CCDC30: variants seen among roughly 807,000 people sequenced by gnomAD.
The protein encoded by CCDC30 is coiled-coil domain-containing protein 30.
A neutral mutation model predicts 100.2 loss-of-function variants in CCDC30; 70 were observed. The observed-to-expected ratio is 0.70, with a 90% CI of 0.58 to 0.85. The LOEUF (loss-of-function observed/expected upper bound fraction) is 0.85. Ranked by LOEUF, CCDC30 falls within the 40% of genes least tolerant of loss-of-function variation. CCDC30 has a pLI of 0.00. For missense variants in CCDC30, 652 were observed against 771.2 expected (o/e 0.85, Z 1.83); for synonymous variants, 233 against 269.5 (o/e 0.86, Z 1.33).
At chr1:42,466,160 C>T (rs1485949798) in intron 1 of CCDC30, among the ~76,000 whole-genome samples, 1 of 152,164 alleles carries the variant, frequency 6.6e-6, no homozygotes, top group African/African-American at 2.4e-5. Context: ...AGTGAAAAGT[C>T]ACCTGACAGC....
intron 10 of CCDC30, chr1:42,592,659 A>C (rs1035000061): frequency 1.3e-5 from 2 of 152,280 alleles, no homozygotes; most frequent in Non-Finnish European, 2.9e-5. Context: ...ATTTGCAGTG[A>C]GCTGAGATCA....
At chr1:42,615,599 G>A (rs61775577) in intron 11 of CCDC30, among the ~76,000 whole-genome samples, 28,818 of 151,922 alleles carry the variant, frequency 0.19, 3,487 homozygotes, top group Non-Finnish European at 0.25. Context: ...CACCGCGCCC[G>A]GCCAAGCAAT....
intron 6 of CCDC30, among the ~76,000 whole-genome samples, chr1:42,560,757 A>G (rs897807974): frequency 2.0e-5 from 3 of 152,188 alleles, no homozygotes; most frequent in African/African-American, 7.2e-5. Flanking sequence ...TAGACACAAT[A>G]AAAATGACAA....
intron 12 of CCDC30, among the ~76,000 whole-genome samples, chr1:42,642,129 G>T (rs1647488101): frequency 6.6e-6 from 1 of 151,992 alleles, no homozygotes; most frequent in Admixed American, 6.6e-5. Flanking sequence ...GGGAGGCTGA[G>T]GCAGGAGAAT....
chr1:42,517,756 T>C (rs565960936), intron 6 of CCDC30, among the ~76,000 whole-genome samples: 99 of 152,328 alleles, frequency 6.5e-4, no homozygotes, highest in Non-Finnish European at 1.2e-3. Context: ...TACCAAACAT[T>C]TAAATATCAA....
intron 11 of CCDC30, among the ~76,000 whole-genome samples, chr1:42,623,025 G>A (rs1486697403): frequency 6.6e-6 from 1 of 152,066 alleles, no homozygotes; most frequent in Non-Finnish European, 1.5e-5. Flanking sequence ...CCATTTGTAT[G>A]TTTTCTTTTC....
intron 7 of CCDC30, 57 bp downstream of exon 11, chr1:42,566,532 C>T (rs761154102): frequency 1.2e-4 from 165 of 1,400,382 alleles, no homozygotes; most frequent in East Asian, 5.3e-4. Flanking sequence ...TGGGAATAAA[C>T]GAATCTAAGT....
intron 5 of CCDC30, 42 bp downstream of exon 5, chr1:42,497,255 A>G: frequency 8.9e-7 from 1 of 1,118,170 alleles, no homozygotes; most frequent in Non-Finnish European, 1.1e-6. Context: ...AAATGTGTCT[A>G]CCATAACAAT....
At chr1:42,574,812 T>C (rs1278930782) in intron 7 of CCDC30, among the ~76,000 whole-genome samples, 2 of 152,198 alleles carry the variant, frequency 1.3e-5, no homozygotes, top group African/African-American at 2.4e-5. Context: ...AAATGTAAAG[T>C]AGTAATATTA....
At chr1:42,529,083 T>TGTAATTTTGTAATTACAATATTGAC (rs1480471630) in intron 6 of CCDC30, among the ~76,000 whole-genome samples, 20 of 152,340 alleles carry the variant, frequency 1.3e-4, no homozygotes, top group African/African-American at 4.6e-4. Context: ...TAATAATCCT[T>TGTAATTTTGTAATTACAATATTGAC]TCACTTACAT....
At chr1:42,507,364 T>C (rs12135686) in intron 6 of CCDC30, among the ~76,000 whole-genome samples, 34,101 of 152,246 alleles carry the variant, frequency 0.22, 4,926 homozygotes, top group Non-Finnish European at 0.31. Context: ...TGCTGTGCTT[T>C]TATTTCAATG....
intron 6 of CCDC30, among the ~76,000 whole-genome samples, chr1:42,500,551 C>T (rs1488977727): frequency 6.6e-6 from 1 of 151,910 alleles, no homozygotes; most frequent in Non-Finnish European, 1.5e-5. Flanking sequence ...GTAGCTGGGA[C>T]TACAGGCACC....
At chr1:42,616,903 T>TA in intron 11 of CCDC30, among the ~76,000 whole-genome samples, 1 of 152,222 alleles carries the variant, frequency 6.6e-6, no homozygotes, top group Admixed American at 6.5e-5. Flanking sequence ...AGGTAAAGTA[T>TA]AATACAGTCA....
chr1:42,627,987 C>A (rs1646964384), intron 11 of CCDC30, among the ~76,000 whole-genome samples: 1 of 152,186 alleles, frequency 6.6e-6, no homozygotes. Context: ...AATGGTAGAT[C>A]CACTGGCAGT....
intron 9 of CCDC30, among the ~76,000 whole-genome samples, chr1:42,584,301 T>A: frequency 6.6e-6 from 1 of 152,166 alleles, no homozygotes; most frequent in East Asian, 1.9e-4. Flanking sequence ...CTATTTAGTT[T>A]AAATTAGGCC....
intron 6 of CCDC30, among the ~76,000 whole-genome samples, chr1:42,563,174 A>G (rs1645530374): frequency 1.3e-5 from 2 of 152,218 alleles, no homozygotes; most frequent in South Asian, 4.1e-4. Context: ...TTGCAGCACT[A>G]TTTACAATAG....
intron 1 of CCDC30, among the ~76,000 whole-genome samples, chr1:42,470,092 G>A (rs563191673): frequency 1.3e-5 from 2 of 152,178 alleles, no homozygotes; most frequent in South Asian, 2.1e-4. Context: ...GTGGGACAAA[G>A]GGGTAAGATA....
In CCDC30 at chr1:42,483,067, C is replaced by T. The variant is rs1643991183; in HGVS notation, c.169+251C>T. 2.0e-5 allele frequency: 6 copies of T among 293,020 alleles called. No individual in the cohort carries two copies. The East Asian group carries it at 3.3e-4, about 16-fold the overall frequency. The allele number at this position is 293,020 out of a possible 1,614,324, so 18.2% of individuals were successfully genotyped here. ...GAAATTCCCAGCCTCTCAGAAGTCC[C>T]CTGTGTTCCTTCTTTCTATCTCTAC... On this transcript the variant is annotated intron_variant, in intron 3 of 16. Coordinates refer to ENST00000668663, the Ensembl canonical transcript of CCDC30.
intron 6 of CCDC30, among the ~76,000 whole-genome samples, chr1:42,565,742 T>G (rs12032963): frequency 0.24 from 37,033 of 151,302 alleles, 4,938 homozygotes; most frequent in South Asian, 0.42. Context: ...AGAAGTGATG[T>G]GTGTGTGTGT....
Sources: gnomAD v4.1 joint callset for allele counts (sites outside exome capture counted in the v4.1 genomes callset) on GRCh38, gnomAD v4.1.1 for gene constraint, MANE v1.5 for transcripts, NCBI Gene and HGNC (gene_info 2026-07-23, HGNC 2026-07-21) for gene names.